Variants in SNTG2 observed in about 807,000 individuals in gnomAD.
The protein encoded by SNTG2 is syntrophin gamma 2.
SNTG2 carries 74 observed loss-of-function variants against 70.9 expected under a neutral mutation model. The ratio of observed to expected loss-of-function variants is 1.04; its 90% CI spans 0.86 to 1.27. SNTG2 has a LOEUF of 1.27. Ranked by LOEUF, SNTG2 falls within the 50% of genes most tolerant of loss-of-function variation. The pLI, the probability that SNTG2 is intolerant of heterozygous loss-of-function variation, is 0.00. For missense variants in SNTG2, 717 were observed against 690.7 expected (o/e 1.04, Z -0.43); for synonymous variants, 278 against 273.8 (o/e 1.02, Z -0.15).
chr2:1,023,918 C>G (rs1000947700), intron 1 of SNTG2, among the ~76,000 whole-genome samples: 1 of 152,184 alleles, frequency 6.6e-6, no homozygotes, highest in Non-Finnish European at 1.5e-5. Context: ...GGATGAGCAA[C>G]GTTACATGGA....
chr2:1,151,711 G>A (rs193107712), intron 6 of SNTG2, among the ~76,000 whole-genome samples: 4 of 152,256 alleles, frequency 2.6e-5, no homozygotes, highest in African/African-American at 9.6e-5. Context: ...TTGCCCGTGC[G>A]TGCCGTGCTT....
intron 6 of SNTG2, among the ~76,000 whole-genome samples, chr2:1,149,485 A>G (rs951170839): frequency 5.9e-5 from 9 of 152,176 alleles, no homozygotes; most frequent in African/African-American, 1.9e-4. Context: ...ATTTTCGTCC[A>G]TGAGCATATT....
chr2:1,069,806 TACAAA>T (rs961801326), intron 1 of SNTG2, among the ~76,000 whole-genome samples: 224 of 151,628 alleles, frequency 1.5e-3, no homozygotes, highest in African/African-American at 4.5e-3. Context: ...AATAAATAAA[TACAAA>T]ACAAAACAAA....
chr2:1,298,998 A>G (rs1363091967), intron 14 of SNTG2, among the ~76,000 whole-genome samples: 1 of 152,136 alleles, frequency 6.6e-6, no homozygotes, highest in South Asian at 2.1e-4. Flanking sequence ...TTGCTCCTCA[A>G]GCTTGCAGAT....
chr2:1,105,927 C>T (rs566548927), intron 4 of SNTG2, among the ~76,000 whole-genome samples: 1 of 152,338 alleles, frequency 6.6e-6, no homozygotes, highest in African/African-American at 2.4e-5. Context: ...CCTGGTGGCC[C>T]CTGACCCCGA....
intron 1 of SNTG2, among the ~76,000 whole-genome samples, chr2:987,441 A>G (rs1323343111): frequency 6.6e-6 from 1 of 151,924 alleles, no homozygotes; most frequent in Non-Finnish European, 1.5e-5. Context: ...TCTTGTGGCC[A>G]GTGTGTCACG....
chr2:1,057,372 CACAT>C (rs1662533321), intron 1 of SNTG2, among the ~76,000 whole-genome samples: 1 of 152,028 alleles, frequency 6.6e-6, no homozygotes, highest in Admixed American at 6.6e-5. Flanking sequence ...ATAGGATAGA[CACAT>C]GCATGTAAAG....
intron 13 of SNTG2, among the ~76,000 whole-genome samples, chr2:1,266,199 G>T (rs1304984909): frequency 6.6e-6 from 1 of 152,146 alleles, no homozygotes; most frequent in Non-Finnish European, 1.5e-5. Context: ...GAGACAGACA[G>T]AGACAGAGAG....
intron 1 of SNTG2, among the ~76,000 whole-genome samples, chr2:958,743 T>C (rs1660252052): frequency 6.6e-6 from 1 of 152,208 alleles, no homozygotes; most frequent in African/African-American, 2.4e-5. Context: ...AAAAAAATTG[T>C]GTGGACTTCC....
intron 4 of SNTG2, among the ~76,000 whole-genome samples, chr2:1,109,450 A>G (rs1212530016): frequency 6.6e-6 from 1 of 152,202 alleles, no homozygotes; most frequent in Non-Finnish European, 1.5e-5. Flanking sequence ...GATACTTGTC[A>G]TACGAAAATA....
intron 1 of SNTG2, among the ~76,000 whole-genome samples, chr2:1,025,438 G>GT (rs1660428311): frequency 6.6e-6 from 1 of 152,174 alleles, no homozygotes; most frequent in South Asian, 2.1e-4. Context: ...CATGGCTGCT[G>GT]TTTTTTACTG....
intron 4 of SNTG2, among the ~76,000 whole-genome samples, chr2:1,121,474 T>A (rs960581720): frequency 4.6e-5 from 7 of 151,532 alleles, no homozygotes; most frequent in Non-Finnish European, 7.4e-5. Flanking sequence ...TAAAAAAAAA[T>A]AAAATTGGCA....
chr2:1,300,452 G>T (rs9752312), intron 14 of SNTG2, among the ~76,000 whole-genome samples: 2 of 151,852 alleles, frequency 1.3e-5, no homozygotes, highest in Admixed American at 6.6e-5. Context: ...AACACCCCAG[G>T]GTGGGTCAGC....
chr2:1,043,761 C>T (rs756204976), intron 1 of SNTG2, among the ~76,000 whole-genome samples: 13 of 152,074 alleles, frequency 8.5e-5, no homozygotes, highest in Non-Finnish European at 1.8e-4. Flanking sequence ...TAATTTGTCC[C>T]ATTGGTCTGT....
At chr2:1,215,400 G>A (rs937060848) in intron 9 of SNTG2, among the ~76,000 whole-genome samples, 1 of 151,906 alleles carries the variant, frequency 6.6e-6, no homozygotes, top group Admixed American at 6.6e-5. Context: ...TATTATTTTT[G>A]TTAATTATTA....
At chr2:1,066,929 C>T (rs1175654115) in intron 1 of SNTG2, among the ~76,000 whole-genome samples, 2 of 152,142 alleles carry the variant, frequency 1.3e-5, no homozygotes. Context: ...CTTCAAAGCT[C>T]TCATCTCCTC....
At chr2:1,033,903 AT>A (rs1660982784) in intron 1 of SNTG2, among the ~76,000 whole-genome samples, 1 of 152,170 alleles carries the variant, frequency 6.6e-6, no homozygotes, top group African/African-American at 2.4e-5. Flanking sequence ...ATTTTTTTAA[AT>A]GAATGTGTTA....
intron 14 of SNTG2, among the ~76,000 whole-genome samples, chr2:1,304,375 A>G (rs1376038912): frequency 1.3e-5 from 2 of 152,158 alleles, no homozygotes; most frequent in Non-Finnish European, 2.9e-5. Flanking sequence ...AAGTTACAGC[A>G]TCTCACCTGA....
chr2:1,110,739 T>A (rs895891571), intron 4 of SNTG2, among the ~76,000 whole-genome samples: 1 of 152,242 alleles, frequency 6.6e-6, no homozygotes, highest in African/African-American at 2.4e-5. Context: ...TCTTCCTTTC[T>A]AGGCTCTAAA....
Sources: allele counts gnomAD v4.1 joint callset (sites outside exome capture counted in the v4.1 genomes callset), GRCh38; gene constraint gnomAD v4.1.1; transcripts MANE v1.5; gene names NCBI Gene and HGNC (gene_info 2026-07-23, HGNC 2026-07-21).